Variants in PPP1R21 observed in about 807,000 individuals in gnomAD.
PPP1R21 encodes the protein KLRAQ motif containing 1.
Under a neutral mutation model 112.8 loss-of-function variants are expected in PPP1R21, and 85 were observed. The observed-to-expected ratio is 0.75, with a 90% CI of 0.63 to 0.90. The LOEUF (loss-of-function observed/expected upper bound fraction) is 0.90. PPP1R21 is among the 40% of genes least tolerant of loss of function. The pLI is 0.00. For synonymous variants in PPP1R21, 381 were observed against 322.3 expected (o/e 1.18, Z -1.95); for missense variants, 1,199 against 901.5 (o/e 1.33, Z -4.23).
At chr2:48,502,682 T>C (rs1014393100) in intron 17 of PPP1R21, among the ~76,000 whole-genome samples, 7 of 143,858 alleles carry the variant, frequency 4.9e-5, no homozygotes, top group Non-Finnish European at 1.1e-4. Flanking sequence ...TTTTCTTTTT[T>C]TTTTTTTTTT....
At chr2:48,478,822 G>A (rs1668873085) in intron 12 of PPP1R21, among the ~76,000 whole-genome samples, 1 of 152,152 alleles carries the variant, frequency 6.6e-6, no homozygotes, top group Non-Finnish European at 1.5e-5. Context: ...ATTTTTTAGA[G>A]TACACCCTTA....
At chr2:48,502,398 A>ATTTCCC (rs1670158008) in intron 17 of PPP1R21, among the ~76,000 whole-genome samples, 1 of 152,132 alleles carries the variant, frequency 6.6e-6, no homozygotes, top group Non-Finnish European at 1.5e-5. Flanking sequence ...GCACAATAGA[A>ATTTCCC]ATAAAAAGAG....
chr2:48,457,547 C>T (rs889429567), intron 3 of PPP1R21, among the ~76,000 whole-genome samples: 7 of 152,186 alleles, frequency 4.6e-5, no homozygotes, highest in Admixed American at 2.0e-4. Flanking sequence ...CTATGTAGAA[C>T]GAGTTCATAT....
At chr2:48,488,513 C>T (rs561784702) in intron 14 of PPP1R21, among the ~76,000 whole-genome samples, 2 of 152,018 alleles carry the variant, frequency 1.3e-5, no homozygotes, top group African/African-American at 4.8e-5. Flanking sequence ...ACTAAAGGTG[C>T]CTGCCACCAT....
chr2:48,499,973 C>A (rs760057170), intron 17 of PPP1R21, among the ~76,000 whole-genome samples: 1 of 152,014 alleles, frequency 6.6e-6, no homozygotes, highest in Non-Finnish European at 1.5e-5. Flanking sequence ...GCTTGAGGAG[C>A]TTGAAAGCCA....
chr2:48,511,553 G>A (rs1670644476), intron 21 of PPP1R21, 85 bp downstream of exon 21: 11 of 1,505,080 alleles, frequency 7.3e-6, no homozygotes, highest in Non-Finnish European at 9.0e-6. Flanking sequence ...AGGAGGAAGA[G>A]GACATAAGAT....
intron 20 of PPP1R21, among the ~76,000 whole-genome samples, chr2:48,510,385 C>G (rs1006142710): frequency 7.2e-5 from 11 of 152,200 alleles, no homozygotes; most frequent in Non-Finnish European, 1.3e-4. Context: ...TTTCCCCTTC[C>G]TTGTACATAC....
At chr2:48,474,950 T>G in intron 12 of PPP1R21, 131 bp downstream of exon 12, 1 of 715,768 alleles carries the variant, frequency 1.4e-6, no homozygotes, top group East Asian at 2.7e-5. Flanking sequence ...TGAATTCAAA[T>G]TCTCTAGCCC....
chr2:48,511,521 G>T, intron 21 of PPP1R21, 53 bp downstream of exon 21: 1 of 1,584,006 alleles, frequency 6.3e-7, no homozygotes, highest in Non-Finnish European at 8.6e-7. Flanking sequence ...TTAATGTGAG[G>T]TATTTTATTG....
At chr2:48,514,202 T>G (rs1036150245) in intron 21 of PPP1R21, among the ~76,000 whole-genome samples, 4 of 149,294 alleles carry the variant, frequency 2.7e-5, no homozygotes, top group African/African-American at 9.9e-5. Flanking sequence ...TCTCCTGCCT[T>G]AGCCTCCCAA....
At chr2:48,494,836 G>C (rs1336814700) in intron 15 of PPP1R21, among the ~76,000 whole-genome samples, 4 of 152,150 alleles carry the variant, frequency 2.6e-5, no homozygotes, top group African/African-American at 9.7e-5. Flanking sequence ...TCCTGCCTCA[G>C]CCTCCTGAGT....
intron 19 of PPP1R21, among the ~76,000 whole-genome samples, chr2:48,509,617 A>T (rs1347170594): frequency 6.6e-6 from 1 of 151,986 alleles, no homozygotes; most frequent in African/African-American, 2.4e-5. Flanking sequence ...AGGCAGGAGG[A>T]TCACTTGAAC....
chr2:48,493,805 C>A (rs1196124587), intron 15 of PPP1R21, among the ~76,000 whole-genome samples: 2 of 151,932 alleles, frequency 1.3e-5, no homozygotes, highest in Non-Finnish European at 2.9e-5. Flanking sequence ...TTGTTCGTTT[C>A]TGGATATTTT....
At chr2:48,472,828 G>C (rs11683444) in intron 11 of PPP1R21, among the ~76,000 whole-genome samples, 13,973 of 151,552 alleles carry the variant, frequency 0.092, 737 homozygotes, top group Non-Finnish European at 0.12. Context: ...GCCTGTGCCT[G>C]TAGTCCTAGC....
intron 7 of PPP1R21, among the ~76,000 whole-genome samples, chr2:48,463,226 C>T (rs1361132131): frequency 6.6e-6 from 1 of 151,986 alleles, no homozygotes; most frequent in Non-Finnish European, 1.5e-5. Flanking sequence ...TGTGCAGGGT[C>T]CTTGGTGAGT....
chr2:48,481,141 A>C (rs961968738), intron 13 of PPP1R21, among the ~76,000 whole-genome samples: 1 of 152,144 alleles, frequency 6.6e-6, no homozygotes, highest in African/African-American at 2.4e-5. Context: ...GGTACACACC[A>C]CCATGCCTGG....
At chr2:48,478,383 GT>G (rs1668850885) in intron 12 of PPP1R21, among the ~76,000 whole-genome samples, 1 of 152,122 alleles carries the variant, frequency 6.6e-6, no homozygotes, top group Non-Finnish European at 1.5e-5. Context: ...ACATCTTCTA[GT>G]TTTTAGCATG....
chr2:48,485,405 A>G (rs1669239513), intron 13 of PPP1R21, among the ~76,000 whole-genome samples: 1 of 152,096 alleles, frequency 6.6e-6, no homozygotes, highest in Admixed American at 6.6e-5. Context: ...TTTCAAAAAT[A>G]TATTGAATGT....
chr2:48,470,535 A>AG (rs1668452752), intron 9 of PPP1R21, among the ~76,000 whole-genome samples: 1 of 151,434 alleles, frequency 6.6e-6, no homozygotes, highest in African/African-American at 2.4e-5. Context: ...AAAAAAAAAA[A>AG]GGTTTCTGTA....
Sources: allele counts gnomAD v4.1 joint callset (sites outside exome capture counted in the v4.1 genomes callset), GRCh38; gene constraint gnomAD v4.1.1; transcripts MANE v1.5; gene names NCBI Gene and HGNC (gene_info 2026-07-23, HGNC 2026-07-21).